Variants in NAV2 observed in about 807,000 individuals in gnomAD.
NAV2 encodes neuron navigator 2.
Under a neutral mutation model 223.2 loss-of-function variants are expected in NAV2, and 54 were observed. The observed-to-expected ratio is 0.24, with a 90% CI of 0.19 to 0.30. The LOEUF (loss-of-function observed/expected upper bound fraction) is 0.30. Among genes scored for constraint, NAV2 ranks in the 10% least tolerant of loss-of-function variants. The pLI is 1.00. For synonymous variants in NAV2, 1,279 were observed against 1,239.3 expected, an observed-to-expected ratio of 1.03 and a Z score of -0.67; for missense variants, 2,806 against 3,147.5, an observed-to-expected ratio of 0.89 and a Z score of 2.60.
At chr11:19,479,630 G>C (rs1357719560) in intron 1 of NAV2, among the ~76,000 whole-genome samples, 1 of 152,142 alleles carries the variant, frequency 6.6e-6, no homozygotes, top group African/African-American at 2.4e-5. Flanking sequence ...TAGTTGGCCT[G>C]TTTGTAGGTC....
At chr11:19,378,896 C>T (rs1165418334) in intron 1 of NAV2, among the ~76,000 whole-genome samples, 2 of 152,266 alleles carry the variant, frequency 1.3e-5, no homozygotes, top group East Asian at 3.9e-4. Context: ...GTTGTCCCAC[C>T]CCAGGCTCGG....
At chr11:20,112,959 A>C (rs2062763893) in intron 36 of NAV2, among the ~76,000 whole-genome samples, 1 of 152,214 alleles carries the variant, frequency 6.6e-6, no homozygotes, top group African/African-American at 2.4e-5. Context: ...GAGAGCAGAC[A>C]GACAGACAGA....
At chr11:19,830,333 G>A (rs1025766984) in intron 1 of NAV2, among the ~76,000 whole-genome samples, 30 of 152,306 alleles carry the variant, frequency 2.0e-4, no homozygotes, top group African/African-American at 5.3e-4. Context: ...TGAATAACTC[G>A]ATTAACATTC....
Position 19,713,568 on chromosome 11 carries a change from T to C in NAV2, c.-128T>C, listed in dbSNP as rs1191836850. ...TTCCCCGACCTGGGGATTTTTTTTT[T>C]AGCCGCTGGTGGTGGGCGCCTCGTG... On this transcript the variant is annotated 5_prime_UTR_variant, in exon 1 of 38. Coordinates refer to ENST00000349880, the MANE Select transcript of NAV2 (RefSeq NM_145117.5). This position sits in a 1 kb window ranked among gnomAD's most constrained non-coding sequence, Gnocchi z 7.2. 32 of 1,399,982 alleles carry C rather than the reference T, an allele frequency of 2.3e-5. No individual in the cohort carries two copies. Among genetic ancestry groups the C allele is most frequent in the Non-Finnish European group, 2.9e-5 (31 of 1,077,034 alleles). 86.7% of individuals were successfully genotyped at this position (1,399,982 alleles called of 1,614,324 possible).
chr11:19,406,384 G>A (rs1315937544), intron 1 of NAV2, among the ~76,000 whole-genome samples: 4 of 152,172 alleles, frequency 2.6e-5, no homozygotes, highest in Non-Finnish European at 5.9e-5. Flanking sequence ...GAAGCACCGC[G>A]CAGAACGGCA....
At chr11:19,921,171 G>A (rs1336291609) in intron 6 of NAV2, among the ~76,000 whole-genome samples, 3 of 152,190 alleles carry the variant, frequency 2.0e-5, no homozygotes, top group African/African-American at 7.2e-5. Flanking sequence ...GAAATTGTTT[G>A]ATCTATCTGA....
chr11:20,034,530 C>T (rs993933227), intron 11 of NAV2, among the ~76,000 whole-genome samples: 1 of 152,068 alleles, frequency 6.6e-6, no homozygotes, highest in African/African-American at 2.4e-5. Context: ...TAGGCATGTG[C>T]CACCACCCCC....
chr11:19,645,776 T>C (rs761359263), intron 1 of NAV2, among the ~76,000 whole-genome samples: 6 of 152,028 alleles, frequency 3.9e-5, no homozygotes, highest in Non-Finnish European at 2.9e-5. Context: ...GCAAAAACCA[T>C]TACTGCAATT....
chr11:19,579,723 A>G (rs1328581323), intron 1 of NAV2, among the ~76,000 whole-genome samples: 2 of 152,216 alleles, frequency 1.3e-5, no homozygotes, highest in Middle Eastern at 3.2e-3. Context: ...TAAGCACCCA[A>G]TAAATGTTAG....
Position 19,625,258 on chromosome 11 carries a change from A to C in NAV2, c.76-207226A>C, listed in dbSNP as rs532379281. 2.6e-5 allele frequency among the ~76,000 whole-genome samples: 4 copies of C among 152,282 alleles called. No homozygotes were observed. The East Asian group carries it at 7.7e-4, about 29-fold the overall frequency. ...CTTAGTCTCTAGTATCCTCTGTTCTAATTTTTACTTCAATGAGAACAACTT... is the reference window on the plus strand; with the variant it reads ...CTTAGTCTCTAGTATCCTCTGTTCTCATTTTTACTTCAATGAGAACAACTT... On this transcript the variant is annotated intron_variant, in intron 1 of 37. Transcript: ENST00000360655.
chr11:19,532,470 T>C (rs1004158632), intron 1 of NAV2, among the ~76,000 whole-genome samples: 1 of 152,206 alleles, frequency 6.6e-6, no homozygotes, highest in Admixed American at 6.5e-5. Flanking sequence ...GACAGGGTGA[T>C]TTCTAATTCC....
At position 19,833,477 on chromosome 11, in the gene NAV2, G is replaced by A. The variant is rs376290256; in HGVS notation, c.385+876G>A. The stretch of plus-strand genomic sequence containing the variant: ...CCTTAGCTGAAACTGTTGGACTACT[G>A]CTGCCATTCAAAGAGAAAGGAGTTT... On this transcript the variant is annotated intron_variant, in intron 2 of 37. Coordinates refer to ENST00000349880, the MANE Select transcript of NAV2 (RefSeq NM_145117.5). Among the ~76,000 whole-genome samples, 6 of 152,358 alleles carry A rather than the reference G, an allele frequency of 3.9e-5. No individual in the cohort carries two copies. The South Asian group carries it at 1.0e-3, about 26-fold the overall frequency.
At chr11:19,731,931 C>T (rs2051815111) in intron 1 of NAV2, among the ~76,000 whole-genome samples, 1 of 152,116 alleles carries the variant, frequency 6.6e-6, no homozygotes, top group Non-Finnish European at 1.5e-5. Context: ...GTTAGGAATG[C>T]TTGGGCCCCA....
In NAV2 at chr11:19,713,982, G is replaced by C. The variant is rs779794852; in HGVS notation, c.267+20G>C. 2 of 1,612,042 alleles carry C rather than the reference G, an allele frequency of 1.2e-6. No individual in the cohort carries two copies. Among genetic ancestry groups the C allele is most frequent in the South Asian group, 1.1e-5 (1 of 90,844 alleles). On this transcript the variant is annotated intron_variant, in intron 1 of 37. Transcript: ENST00000349880. This position sits in a 1 kb window ranked among gnomAD's most constrained non-coding sequence, Gnocchi z 7.2. ...ACCCAGGTGAGAGATGCCGTTTGCCGGGGTACTGTTCTGGAAGGATGGATG... is the reference window on the plus strand; with the variant it reads ...ACCCAGGTGAGAGATGCCGTTTGCCCGGGTACTGTTCTGGAAGGATGGATG...
At chr11:19,426,341 G>T (rs1025141696) in intron 1 of NAV2, among the ~76,000 whole-genome samples, 2 of 152,114 alleles carry the variant, frequency 1.3e-5, no homozygotes, top group Non-Finnish European at 2.9e-5. Flanking sequence ...CTTCCCCAGG[G>T]CATTTAATGG....
intron 34 of NAV2, 185 bp from the exon 35 acceptor site, chr11:20,105,346 G>C (rs1322433937): frequency 3.8e-6 from 2 of 522,792 alleles, no homozygotes; most frequent in Non-Finnish European, 3.4e-6. Context: ...TATGTTAGAG[G>C]GTTGGTATCA....
At chr11:19,774,085 G>A (rs905597093) in intron 1 of NAV2, among the ~76,000 whole-genome samples, 2 of 152,118 alleles carry the variant, frequency 1.3e-5, no homozygotes, top group Admixed American at 1.3e-4. Flanking sequence ...CCACCTTCCT[G>A]AGATGCTTCT....
Position 19,882,829 on chromosome 11 carries a change from G to C in NAV2, c.770+2702G>C, listed in dbSNP as rs535247785. 2.6e-5 allele frequency among the ~76,000 whole-genome samples: 4 copies of C among 152,274 alleles called. No individual in the cohort carries two copies. In the South Asian group the frequency reaches 8.3e-4, roughly 32 times the overall value. ...ACATAGACCGGGCTTTGGAGTTGCT[G>C]TATGTCCTCATCCCTTCATCTTGCC... On this transcript the variant is annotated intron_variant, in intron 5 of 37. Transcript: ENST00000349880.
At chr11:19,948,168 C>T (rs2047089357) in intron 9 of NAV2, among the ~76,000 whole-genome samples, 1 of 152,058 alleles carries the variant, frequency 6.6e-6, no homozygotes, top group Admixed American at 6.5e-5. Flanking sequence ...TCACTGCAAC[C>T]TCAGCCTCCT....
Sources: gnomAD v4.1 joint callset for allele counts (sites outside exome capture counted in the v4.1 genomes callset) on GRCh38, gnomAD v4.1.1 for gene constraint, Gnocchi (gnomAD v3.1) non-coding constraint, MANE v1.5 for transcripts, NCBI Gene and HGNC (gene_info 2026-07-23, HGNC 2026-07-21) for gene names.